The following SGCZ variants were observed in gnomAD, a reference collection of about 807,000 sequenced individuals.
The protein encoded by SGCZ is zeta-sarcoglycan.
In SGCZ, 40 loss-of-function variants were observed where a neutral mutation model predicts 41.3. The ratio of observed to expected loss-of-function variants is 0.97; its 90% CI spans 0.75 to 1.26. SGCZ has a LOEUF of 1.26. Ranked by LOEUF, SGCZ falls within the 50% of genes most tolerant of loss-of-function variation. The pLI is 0.00. For missense variants in SGCZ, 552 were observed against 369.8 expected (o/e 1.49, Z -4.04); for synonymous variants, 206 against 137.5 (o/e 1.50, Z -3.49).
At chr8:14,798,716 T>C (rs1231985552) in intron 1 of SGCZ, among the ~76,000 whole-genome samples, 4 of 109,504 alleles carry the variant, frequency 3.7e-5, no homozygotes, top group African/African-American at 1.3e-4. Flanking sequence ...TACCCTACAA[T>C]CACATTATTT....
chr8:15,220,392 C>T (rs1275129495), intron 1 of SGCZ, among the ~76,000 whole-genome samples: 5 of 152,038 alleles, frequency 3.3e-5, no homozygotes, highest in African/African-American at 1.2e-4. Flanking sequence ...CAATGGCTCA[C>T]TGGAATGAAA....
intron 2 of SGCZ, among the ~76,000 whole-genome samples, chr8:14,349,991 C>A (rs1803029035): frequency 6.6e-6 from 1 of 152,022 alleles, no homozygotes. Context: ...CAAATTAAAT[C>A]CTTTATGGCA....
At chr8:15,198,713 C>G (rs1451945330) in intron 1 of SGCZ, among the ~76,000 whole-genome samples, 2 of 152,200 alleles carry the variant, frequency 1.3e-5, no homozygotes, top group Non-Finnish European at 2.9e-5. Flanking sequence ...TGAGGCTACA[C>G]TGTGCCAGCC....
At chr8:14,263,454 C>G (rs1325775684) in intron 3 of SGCZ, among the ~76,000 whole-genome samples, 1 of 152,030 alleles carries the variant, frequency 6.6e-6, no homozygotes, top group Non-Finnish European at 1.5e-5. Flanking sequence ...GAGGCTGAGG[C>G]AGGAGAATCA....
chr8:14,870,411 C>G (rs1804106077), intron 1 of SGCZ, among the ~76,000 whole-genome samples: 1 of 152,140 alleles, frequency 6.6e-6, no homozygotes, highest in African/African-American at 2.4e-5. Flanking sequence ...TGGACCCTTT[C>G]TTACACCTTA....
chr8:14,397,385 T>G (rs1446757111), intron 2 of SGCZ, among the ~76,000 whole-genome samples: 2 of 152,142 alleles, frequency 1.3e-5, no homozygotes, highest in African/African-American at 4.8e-5. Context: ...TTATAGGTAT[T>G]CACCATTTAA....
chr8:14,879,762 A>T (rs1804512695), intron 1 of SGCZ: 1 of 151,434 alleles, frequency 6.6e-6, no homozygotes, highest in Admixed American at 6.6e-5. Context: ...CACCAGTTAG[A>T]TTCTCACTTC....
chr8:14,692,878 G>A (rs1321463021), intron 1 of SGCZ, among the ~76,000 whole-genome samples: 1 of 152,128 alleles, frequency 6.6e-6, no homozygotes, highest in African/African-American at 2.4e-5. Flanking sequence ...CACTGAACGC[G>A]ATATCGAAGA....
intron 1 of SGCZ, among the ~76,000 whole-genome samples, chr8:14,894,765 A>G (rs180768288): frequency 7.2e-5 from 11 of 152,160 alleles, no homozygotes; most frequent in African/African-American, 2.6e-4. Context: ...ATAAACTACA[A>G]AAAAAAGTGA....
intron 1 of SGCZ, among the ~76,000 whole-genome samples, chr8:14,790,326 C>T (rs1267881540): frequency 6.6e-6 from 1 of 152,062 alleles, no homozygotes; most frequent in Non-Finnish European, 1.5e-5. Flanking sequence ...TATTTTGTAA[C>T]ATATAATTAA....
intron 1 of SGCZ, among the ~76,000 whole-genome samples, chr8:14,772,890 C>G (rs4559241): frequency 0.71 from 107,140 of 151,574 alleles, 39,010 homozygotes; most frequent in African/African-American, 0.89. Context: ...ATAAACATAC[C>G]TGTGCATGTG....
intron 1 of SGCZ, among the ~76,000 whole-genome samples, chr8:14,683,903 T>C (rs1169700879): frequency 6.6e-6 from 1 of 152,152 alleles, no homozygotes; most frequent in Non-Finnish European, 1.5e-5. Flanking sequence ...CTATAGAATT[T>C]CATCAATCTT....
intron 5 of SGCZ, among the ~76,000 whole-genome samples, chr8:14,144,265 G>A (rs1027541992): frequency 1.3e-5 from 2 of 152,104 alleles, no homozygotes; most frequent in Non-Finnish European, 2.9e-5. Flanking sequence ...TGGATACTTT[G>A]GACATCTTGG....
At chr8:14,976,456 A>G (rs1801481689) in intron 1 of SGCZ, among the ~76,000 whole-genome samples, 1 of 152,206 alleles carries the variant, frequency 6.6e-6, no homozygotes, top group African/African-American at 2.4e-5. Flanking sequence ...AGTTATCATT[A>G]CCATTCCAAT....
chr8:15,057,262 G>A (rs979284629), intron 1 of SGCZ, among the ~76,000 whole-genome samples: 6 of 152,160 alleles, frequency 3.9e-5, no homozygotes, highest in African/African-American at 1.4e-4. Context: ...GAATATGCAG[G>A]AAGGTTCCAA....
intron 3 of SGCZ, among the ~76,000 whole-genome samples, chr8:14,285,398 T>C (rs1489918568): frequency 6.6e-6 from 1 of 152,126 alleles, no homozygotes; most frequent in Non-Finnish European, 1.5e-5. Context: ...CTCTGTCTTT[T>C]TGATACGCTC....
chr8:15,032,110 T>C (rs1803693954), intron 1 of SGCZ, among the ~76,000 whole-genome samples: 1 of 152,086 alleles, frequency 6.6e-6, no homozygotes, highest in African/African-American at 2.4e-5. Context: ...AATCAGAATA[T>C]ATACAATAGC....
At chr8:15,233,329 C>CAAAAAAAAAAAAAA (rs967747755) in intron 1 of SGCZ, among the ~76,000 whole-genome samples, 1 of 65,704 alleles carries the variant, frequency 1.5e-5, no homozygotes, top group African/African-American at 5.3e-5. Flanking sequence ...TTAAACAAAC[C>CAAAAAAAAAAAAAA]AAAAAAAAAA....
intron 1 of SGCZ, among the ~76,000 whole-genome samples, chr8:14,761,946 C>A (rs574953533): frequency 6.6e-6 from 1 of 152,222 alleles, no homozygotes; most frequent in South Asian, 2.1e-4. Flanking sequence ...GTCAGAACTG[C>A]ACCAATTTCT....
Sources: gnomAD v4.1 joint callset for allele counts (sites outside exome capture counted in the v4.1 genomes callset) on GRCh38, gnomAD v4.1.1 for gene constraint, MANE v1.5 for transcripts, NCBI Gene and HGNC (gene_info 2026-07-23, HGNC 2026-07-21) for gene names.